The following TSPEAR variants were observed in gnomAD, a reference collection of about 807,000 sequenced individuals.
The protein encoded by TSPEAR is thrombospondin type laminin G domain and EAR repeats, also known as thrombospondin-type laminin G domain and EAR repeat-containing protein.
In TSPEAR, 69 loss-of-function variants were observed where a neutral mutation model predicts 71.6. The observed-to-expected ratio is 0.96, with a 90% confidence interval of 0.79 to 1.18. The LOEUF (loss-of-function observed/expected upper bound fraction) is 1.18, where lower values mean the gene tolerates loss of function less well. TSPEAR is among the 50% of genes most tolerant of loss of function. The probability of loss-of-function intolerance (pLI) is 0.00; values close to 1 mark genes in which losing one functional copy is unlikely to be tolerated. For missense variants in TSPEAR, 971 were observed against 894.9 expected, an observed-to-expected ratio of 1.09 and a Z score of -1.09; for synonymous variants, 402 against 387.2, an observed-to-expected ratio of 1.04 and a Z score of -0.45.
Position 44,646,446 on chromosome 21 carries a change from T to A in TSPEAR, c.82+64987A>T, listed in dbSNP as rs1407120974. ...CTTACACCTCCCCCAGCTCACCTCC[T>A]CCCCACCCCAGCATGGCCGCGTCCA... is the stretch of plus-strand genomic sequence containing the variant. On this transcript the variant is annotated intron_variant, in intron 1 of 11. Coordinates refer to ENST00000323084, the MANE Select transcript of TSPEAR (RefSeq NM_144991.3). The A allele has an allele frequency of 3.1e-6, 5 of 1,594,698 alleles. No individual in the cohort carries two copies. In the African/African-American group the frequency reaches 4.0e-5, roughly 13 times the overall value.
intron 9 of TSPEAR, chr21:44,517,605 C>G (rs868918670): frequency 5.6e-5 from 21 of 375,092 alleles, no homozygotes; most frequent in South Asian, 4.1e-4. Context: ...CAGCCCCTTC[C>G]TGCTGCTTCC....
chr21:44,599,246 G>T (rs1980609898), intron 1 of TSPEAR, among the ~76,000 whole-genome samples: 1 of 148,156 alleles, frequency 6.7e-6, no homozygotes, highest in African/African-American at 2.5e-5. Context: ...TATTTTTATA[G>T]TTCAAAATAT....
At chr21:44,596,321 C>T (rs1391123068) in intron 1 of TSPEAR, among the ~76,000 whole-genome samples, 2 of 152,206 alleles carry the variant, frequency 1.3e-5, no homozygotes, top group African/African-American at 2.4e-5. Flanking sequence ...CATGCACATC[C>T]CATCACCCTC....
intron 1 of TSPEAR, among the ~76,000 whole-genome samples, chr21:44,610,851 G>A (rs1207378435): frequency 2.6e-5 from 4 of 152,218 alleles, no homozygotes; most frequent in African/African-American, 7.2e-5. Context: ...TGACCTGGAT[G>A]TGAGACCTGG....
At chr21:44,646,212 C>G (rs1984345350) in intron 1 of TSPEAR, among the ~76,000 whole-genome samples, 1 of 150,038 alleles carries the variant, frequency 6.7e-6, no homozygotes, top group African/African-American at 2.5e-5. Context: ...AGAAACAGAG[C>G]CCTGCGACAT....
chr21:44,544,693 G>C (rs2053272116), intron 2 of TSPEAR, among the ~76,000 whole-genome samples: 1 of 152,142 alleles, frequency 6.6e-6, no homozygotes, highest in African/African-American at 2.4e-5. Flanking sequence ...GTGCTGCCCG[G>C]GGGGAGCCAC....
chr21:44,597,177 G>T (rs1388926918), intron 1 of TSPEAR, among the ~76,000 whole-genome samples: 1 of 151,844 alleles, frequency 6.6e-6, no homozygotes, highest in East Asian at 1.9e-4. Flanking sequence ...TTAAAAAACA[G>T]TTTTTTATTT....
intron 1 of TSPEAR, among the ~76,000 whole-genome samples, chr21:44,596,505 C>A (rs1980379811): frequency 6.6e-6 from 1 of 152,238 alleles, no homozygotes; most frequent in Non-Finnish European, 1.5e-5. Flanking sequence ...CTTGTATCCA[C>A]CCAGGAGTAT....
At chr21:44,525,582 C>G (rs587655530) in intron 8 of TSPEAR, 71 bp downstream of exon 8, 1 of 1,473,438 alleles carries the variant, frequency 6.8e-7, no homozygotes, top group Admixed American at 1.8e-5. Flanking sequence ...GATACACATT[C>G]GCCCTGCCTG....
At chr21:44,568,362 G>C (rs964887575) in intron 1 of TSPEAR, among the ~76,000 whole-genome samples, 1 of 152,188 alleles carries the variant, frequency 6.6e-6, no homozygotes, top group African/African-American at 2.4e-5. Context: ...CCGCAGCCAC[G>C]GGAACCCCAA....
chr21:44,604,728 T>G (rs1555929562), intron 1 of TSPEAR, among the ~76,000 whole-genome samples: 1 of 152,256 alleles, frequency 6.6e-6, no homozygotes, highest in African/African-American at 2.4e-5. Flanking sequence ...GTGGGCTTGT[T>G]GCATATGGCC....
intron 1 of TSPEAR, among the ~76,000 whole-genome samples, chr21:44,620,346 A>C (rs587722094): frequency 1.3e-4 from 20 of 152,388 alleles, no homozygotes; most frequent in African/African-American, 4.8e-4. Context: ...GGCAGTCGAT[A>C]GTAAGCTAAA....
intron 1 of TSPEAR, among the ~76,000 whole-genome samples, chr21:44,633,654 A>T (rs1983379229): frequency 1.3e-5 from 2 of 152,222 alleles, no homozygotes; most frequent in Non-Finnish European, 2.9e-5. Context: ...CATATGGTCT[A>T]ATCTGGAGAA....
intron 1 of TSPEAR, chr21:44,676,379 G>T (rs1555946884): frequency 1.8e-6 from 2 of 1,118,250 alleles, no homozygotes; most frequent in East Asian, 2.3e-5. Flanking sequence ...GGGACAGCAG[G>T]CATTTCTGCA....
chr21:44,705,458 A>T (rs1477578357), intron 1 of TSPEAR, among the ~76,000 whole-genome samples: 6 of 152,274 alleles, frequency 3.9e-5, no homozygotes, highest in African/African-American at 1.4e-4. Context: ...GAACAGAGCC[A>T]TATTTCTCTT....
chr21:44,657,800 C>G (rs1365458639), intron 1 of TSPEAR: 1 of 627,496 alleles, frequency 1.6e-6, no homozygotes, highest in Non-Finnish European at 2.8e-6. Flanking sequence ...GAGCATGACG[C>G]GGGAAAGTAC....
intron 1 of TSPEAR, among the ~76,000 whole-genome samples, chr21:44,651,928 A>G (rs1229609891): frequency 6.6e-6 from 1 of 151,736 alleles, no homozygotes; most frequent in African/African-American, 2.4e-5. Flanking sequence ...ACCGAGGCCT[A>G]TATAGCCCAG....
At chr21:44,616,181 T>C (rs1451054442) in intron 1 of TSPEAR, among the ~76,000 whole-genome samples, 5 of 152,238 alleles carry the variant, frequency 3.3e-5, no homozygotes, top group East Asian at 1.9e-4. Context: ...ATCTGTTCGA[T>C]GCAGGCAAAG....
At chr21:44,554,317 G>T (rs1042728921) in intron 2 of TSPEAR, among the ~76,000 whole-genome samples, 26 of 152,296 alleles carry the variant, frequency 1.7e-4, no homozygotes, top group African/African-American at 6.0e-4. Flanking sequence ...ACTGATCCTG[G>T]ACTTCCAGCT....
Sources: allele counts gnomAD v4.1 joint callset (sites outside exome capture counted in the v4.1 genomes callset), GRCh38; gene constraint gnomAD v4.1.1; transcripts MANE v1.5; gene names NCBI Gene and HGNC (gene_info 2026-07-23, HGNC 2026-07-21).